The following FGGY variants were observed in gnomAD, a reference collection of about 807,000 sequenced individuals.
FGGY encodes the protein FGGY carbohydrate kinase domain-containing protein.
In FGGY, 72 loss-of-function variants were observed where a neutral mutation model predicts 71.3. The ratio of observed to expected loss-of-function variants is 1.01; its 90% CI spans 0.84 to 1.23. FGGY has a LOEUF of 1.23. Among genes scored for constraint, FGGY ranks in the 50% most tolerant of loss-of-function variants. The pLI is 0.00. For synonymous variants in FGGY, 251 were observed against 250.3 expected (o/e 1.00, Z -0.02); for missense variants, 668 against 682.3 (o/e 0.98, Z 0.23).
chr1:59,716,961 A>G (rs2097850303), intron 14 of FGGY, among the ~76,000 whole-genome samples: 1 of 152,326 alleles, frequency 6.6e-6, no homozygotes, highest in South Asian at 2.1e-4. Context: ...CAGGATTTTG[A>G]AGGCCAGAGA....
At chr1:59,570,272 T>C (rs1349956977) in intron 8 of FGGY, among the ~76,000 whole-genome samples, 2 of 152,214 alleles carry the variant, frequency 1.3e-5, no homozygotes, top group African/African-American at 4.8e-5. Context: ...ATTATATCTT[T>C]ACTTCATTGT....
chr1:59,446,085 C>T (rs1464391671), intron 5 of FGGY, among the ~76,000 whole-genome samples: 1 of 152,214 alleles, frequency 6.6e-6, no homozygotes, highest in Non-Finnish European at 1.5e-5. Flanking sequence ...GTATAATAGG[C>T]ACTAAGTAAG....
At chr1:59,464,501 G>C (rs2092477196) in intron 6 of FGGY, among the ~76,000 whole-genome samples, 1 of 152,110 alleles carries the variant, frequency 6.6e-6, no homozygotes, top group Admixed American at 6.6e-5. Flanking sequence ...CAGAAGGCAA[G>C]AAATAACTAA....
intron 5 of FGGY, among the ~76,000 whole-genome samples, chr1:59,428,245 C>T (rs2066726984): frequency 6.6e-6 from 1 of 152,054 alleles, no homozygotes; most frequent in South Asian, 2.1e-4. Context: ...TACTCACAAC[C>T]AGACTTTCAT....
At chr1:59,693,119 T>G (rs2097608469) in intron 14 of FGGY, among the ~76,000 whole-genome samples, 1 of 152,236 alleles carries the variant, frequency 6.6e-6, no homozygotes, top group African/African-American at 2.4e-5. Flanking sequence ...TCAGAAGGTT[T>G]AAATGGAATA....
chr1:59,378,884 G>T, intron 5 of FGGY, 47 bp downstream of exon 5: 2 of 1,478,406 alleles, frequency 1.4e-6, no homozygotes, highest in Non-Finnish European at 1.9e-6. Context: ...TCCATTCTTG[G>T]ATGTCTGTCT....
chr1:59,569,187 A>G (rs1272235183), intron 8 of FGGY, among the ~76,000 whole-genome samples: 1 of 152,210 alleles, frequency 6.6e-6, no homozygotes, highest in African/African-American at 2.4e-5. Context: ...ACAAATATGT[A>G]AGGCTAATTG....
intron 14 of FGGY, among the ~76,000 whole-genome samples, chr1:59,739,479 A>G (rs1025115353): frequency 6.6e-6 from 1 of 152,162 alleles, no homozygotes; most frequent in African/African-American, 2.4e-5. Flanking sequence ...TGAGGGGTGC[A>G]GGGGTATGGG....
chr1:59,378,895 A>G lies in FGGY; in HGVS notation c.554+58A>G, dbSNP rs375198685. On this transcript the variant is annotated intron_variant, in intron 5 of 15. Transcript: ENST00000303721. ...TTCTTCCATTCTTGGATGTCTGTCT[A>G]TATATTGCTTTCTTAACTCTCTTTG... The G allele has an allele frequency of 2.7e-5, 38 of 1,403,370 alleles. No homozygotes were observed. In the East Asian group the frequency reaches 2.8e-4, roughly 10 times the overall value. The allele number at this position is 1,403,370 out of a possible 1,614,324, so 86.9% of individuals were successfully genotyped here. A position where few individuals can be genotyped will look rare whatever the true frequency, so the allele number is the denominator to read the frequency against.
At chr1:59,585,026 C>G (rs574110589) in intron 8 of FGGY, among the ~76,000 whole-genome samples, 3 of 151,980 alleles carry the variant, frequency 2.0e-5, no homozygotes, top group Admixed American at 6.6e-5. Flanking sequence ...AAGAGGATAC[C>G]AATAAATGGA....
chr1:59,560,128 G>A (rs192062280), intron 8 of FGGY, among the ~76,000 whole-genome samples: 13 of 152,272 alleles, frequency 8.5e-5, no homozygotes, highest in African/African-American at 2.6e-4. Context: ...TTGATAGTAC[G>A]TACCCTTGAT....
intron 14 of FGGY, among the ~76,000 whole-genome samples, chr1:59,695,949 A>C (rs932754183): frequency 6.6e-6 from 1 of 151,974 alleles, no homozygotes; most frequent in Non-Finnish European, 1.5e-5. Context: ...GCTTCTTCTT[A>C]GCAAAATAAA....
At chr1:59,615,523 G>C (rs1286858992) in intron 9 of FGGY, among the ~76,000 whole-genome samples, 1 of 152,072 alleles carries the variant, frequency 6.6e-6, no homozygotes, top group Non-Finnish European at 1.5e-5. Context: ...TTAAATGTTA[G>C]ACCTACAACC....
intron 14 of FGGY, among the ~76,000 whole-genome samples, chr1:59,693,951 G>A (rs2097623711): frequency 6.6e-6 from 1 of 151,900 alleles, no homozygotes; most frequent in African/African-American, 2.4e-5. Flanking sequence ...AAGTTGCAGT[G>A]AGCCAATGTT....
At chr1:59,450,083 G>T (rs1460535781) in intron 5 of FGGY, among the ~76,000 whole-genome samples, 3 of 152,056 alleles carry the variant, frequency 2.0e-5, no homozygotes, top group Non-Finnish European at 4.4e-5. Flanking sequence ...TATTGGTTGG[G>T]TTTTAATCTA....
At chr1:59,350,180 T>A (rs1314628556) in intron 4 of FGGY, among the ~76,000 whole-genome samples, 1 of 152,152 alleles carries the variant, frequency 6.6e-6, no homozygotes, top group Non-Finnish European at 1.5e-5. Context: ...CATTCTTTAA[T>A]TCTTGGAAGT....
At chr1:59,369,369 C>T (rs565264538) in intron 4 of FGGY, among the ~76,000 whole-genome samples, 28 of 152,310 alleles carry the variant, frequency 1.8e-4, no homozygotes, top group Non-Finnish European at 2.4e-4. Context: ...GAGGAGCGCC[C>T]GCCATTGCCC....
intron 14 of FGGY, chr1:59,699,503 A>T: frequency 1.4e-6 from 1 of 710,050 alleles, no homozygotes; most frequent in Non-Finnish European, 1.7e-6. Flanking sequence ...TTTGCCATGG[A>T]TAGAAAAAGT....
intron 14 of FGGY, among the ~76,000 whole-genome samples, chr1:59,704,916 C>T (rs3990407): frequency 0.027 from 4,138 of 152,242 alleles, 70 homozygotes; most frequent in Middle Eastern, 0.048. Flanking sequence ...GTCCCTGTGC[C>T]TTTGCCAATG....
Sources: gnomAD v4.1 joint callset for allele counts (sites outside exome capture counted in the v4.1 genomes callset) on GRCh38, gnomAD v4.1.1 for gene constraint, MANE v1.5 for transcripts, NCBI Gene and HGNC (gene_info 2026-07-23, HGNC 2026-07-21) for gene names.